Variants in PARM1 observed in about 807,000 individuals in gnomAD.
The protein encoded by PARM1 is WSC4, cell wall integrity and stress response component 4 homolog.
Under a neutral mutation model 24.6 loss-of-function variants are expected in PARM1, and 14 were observed. The ratio of observed to expected loss-of-function variants is 0.57; its 90% CI spans 0.38 to 0.89. The LOEUF is 0.89. PARM1 is among the 40% of genes least tolerant of loss of function. The pLI is 0.00. For synonymous variants in PARM1, 179 were observed against 156.6 expected (o/e 1.14, Z -1.07); for missense variants, 362 against 380.4 (o/e 0.95, Z 0.40).
Position 75,012,602 on chromosome 4 carries a change from C to A in PARM1, c.221C>A (p.Thr74Lys), listed in dbSNP as rs760203688. The change falls in exon 2 of 4, where the codon ACA becomes AAA. Residue 74 changes from threonine (T) to lysine (K), a missense_variant. Coordinates refer to ENST00000307428, the MANE Select transcript of PARM1 (RefSeq NM_015393.4). The part of the protein sequence containing the change: ...SVLPVTASAP[T>K]SLLPKNISIE... ...CTCCCAGTTACAGCATCAGCCCCAA[C>A]ATCTCTGCTTCCTAAGAACATTTCC... 5.6e-6 allele frequency: 9 copies of A among 1,613,880 alleles called. No homozygotes were observed. The highest frequency in any genetic ancestry group is 3.3e-5 in the South Asian group (3 of 91,088).
At chr4:74,991,379 CAG>C (rs1338578833) in intron 1 of PARM1, among the ~76,000 whole-genome samples, 1 of 152,114 alleles carries the variant, frequency 6.6e-6, no homozygotes, top group African/African-American at 2.4e-5. Flanking sequence ...GACACCTAGA[CAG>C]AGTTTCCAGG....
chr4:75,022,567 T>C (rs572450652), intron 2 of PARM1, among the ~76,000 whole-genome samples: 8 of 152,356 alleles, frequency 5.3e-5, no homozygotes, highest in African/African-American at 1.9e-4. Flanking sequence ...GGAAAGTTTT[T>C]GTCTTTATGG....
At chr4:74,986,261 A>G (rs1190710759) in intron 1 of PARM1, among the ~76,000 whole-genome samples, 1 of 152,196 alleles carries the variant, frequency 6.6e-6, no homozygotes, top group Non-Finnish European at 1.5e-5. Context: ...CAGTTGTTTT[A>G]AAAAGTTTCC....
chr4:75,041,726 CCAA>C (rs1215914378), intron 3 of PARM1, among the ~76,000 whole-genome samples: 4 of 152,136 alleles, frequency 2.6e-5, no homozygotes, highest in Non-Finnish European at 5.9e-5. Context: ...CCATTTGTCA[CCAA>C]CAAGTGGTCA....
chr4:75,014,569 A>G (rs1304684894), intron 2 of PARM1, among the ~76,000 whole-genome samples: 1 of 152,140 alleles, frequency 6.6e-6, no homozygotes, highest in Non-Finnish European at 1.5e-5. Flanking sequence ...AACAATCTCA[A>G]GGTTAACCTC....
chr4:74,989,523 C>A (rs1199536604), intron 1 of PARM1, among the ~76,000 whole-genome samples: 1 of 152,120 alleles, frequency 6.6e-6, no homozygotes, highest in Non-Finnish European at 1.5e-5. Context: ...TGGCAGCCAC[C>A]CTCCAGGGAC....
intron 1 of PARM1, among the ~76,000 whole-genome samples, chr4:75,004,510 G>A (rs369214429): frequency 9.2e-5 from 14 of 152,318 alleles, no homozygotes; most frequent in African/African-American, 3.1e-4. Flanking sequence ...AGTCAGGGTA[G>A]AAAGAGCAGC....
chr4:75,040,231 T>C (rs866301193), intron 3 of PARM1, among the ~76,000 whole-genome samples: 3 of 152,210 alleles, frequency 2.0e-5, no homozygotes, highest in Non-Finnish European at 4.4e-5. Flanking sequence ...ACACAGATTT[T>C]TACTAGCTAC....
At chr4:74,996,197 T>C (rs1287095166) in intron 1 of PARM1, among the ~76,000 whole-genome samples, 1 of 152,112 alleles carries the variant, frequency 6.6e-6, no homozygotes, top group Non-Finnish European at 1.5e-5. Context: ...TACAGGCCCC[T>C]GTGTTGTCAC....
Position 74,979,677 on chromosome 4 carries a change from A to G in PARM1, c.44-32748A>G, listed in dbSNP as rs1031512221. ...CAACAACAACACAAAGGAAAACTTC[A>G]GGCCAACATCCCTGATGAACATCAA... On this transcript the variant is annotated intron_variant, in intron 1 of 3. Coordinates refer to ENST00000307428, the MANE Select transcript of PARM1 (RefSeq NM_015393.4). Among the ~76,000 whole-genome samples the G allele has an allele frequency of 2.6e-5, 4 of 152,196 alleles. 1 individual carries two copies. Among genetic ancestry groups the G allele is most frequent in the Admixed American group, 2.0e-4 (3 of 15,270 alleles).
At chr4:74,937,544 AT>A (rs940570963) in intron 1 of PARM1, among the ~76,000 whole-genome samples, 1 of 152,180 alleles carries the variant, frequency 6.6e-6, no homozygotes, top group Non-Finnish European at 1.5e-5. Flanking sequence ...ACCACTCTGC[AT>A]TTTTTTATCT....
chr4:75,022,014 A>C (rs1723097206), intron 2 of PARM1, among the ~76,000 whole-genome samples: 3 of 152,202 alleles, frequency 2.0e-5, no homozygotes, highest in African/African-American at 7.2e-5. Flanking sequence ...TTCTGTTTCA[A>C]GCTCTTTGAG....
intron 3 of PARM1, among the ~76,000 whole-genome samples, chr4:75,034,398 G>C (rs114106361): frequency 1.3e-5 from 2 of 152,344 alleles, no homozygotes; most frequent in African/African-American, 2.4e-5. Context: ...ATCTGTTAAT[G>C]AGGTTTTCAT....
intron 1 of PARM1, among the ~76,000 whole-genome samples, chr4:74,945,807 C>T (rs1191778895): frequency 6.6e-6 from 1 of 152,100 alleles, no homozygotes; most frequent in African/African-American, 2.4e-5. Flanking sequence ...TTTCTTTTGG[C>T]AACATTAAAT....
chr4:75,021,444 CT>C (rs879613131), intron 2 of PARM1, among the ~76,000 whole-genome samples: 51 of 146,050 alleles, frequency 3.5e-4, no homozygotes, highest in Middle Eastern at 3.6e-3. Flanking sequence ...GTGCCCAGTT[CT>C]TTTTTTTTTT....
chr4:75,020,985 G>A (rs868571096), intron 2 of PARM1, among the ~76,000 whole-genome samples: 2 of 152,160 alleles, frequency 1.3e-5, no homozygotes, highest in South Asian at 2.1e-4. Flanking sequence ...CATTTTTCTT[G>A]TGTTTATTTG....
intron 2 of PARM1, among the ~76,000 whole-genome samples, chr4:75,022,476 T>C (rs1723105249): frequency 6.6e-6 from 1 of 152,232 alleles, no homozygotes; most frequent in Non-Finnish European, 1.5e-5. Flanking sequence ...AGCTATTTAC[T>C]ATCTATTTAG....
chr4:74,995,694 G>A (rs1273193728), intron 1 of PARM1, among the ~76,000 whole-genome samples: 2 of 152,104 alleles, frequency 1.3e-5, no homozygotes, highest in Non-Finnish European at 2.9e-5. Flanking sequence ...GATCCTGAGT[G>A]CATTCACTTT....
At position 74,982,417 on chromosome 4, in the gene PARM1, A is replaced by C. The variant is rs112380349; in HGVS notation, c.44-30008A>C. On this transcript the variant is annotated intron_variant, in intron 1 of 3. Coordinates refer to ENST00000307428, the MANE Select transcript of PARM1 (RefSeq NM_015393.4). ...CATGGCACATGTTTACTTATGTAAC[A>C]AACCTGTACATCCTGCACATGTACC... Among the ~76,000 whole-genome samples, 511 of 152,344 alleles carry C rather than the reference A, an allele frequency of 3.4e-3. 6 individuals carry two copies. The highest frequency in any genetic ancestry group is 0.011 in the African/African-American group (476 of 41,574).
Sources: gnomAD v4.1 joint callset for allele counts (sites outside exome capture counted in the v4.1 genomes callset) on GRCh38, gnomAD v4.1.1 for gene constraint, MANE v1.5 for transcripts, NCBI Gene and HGNC (gene_info 2026-07-23, HGNC 2026-07-21) for gene names.